The following OPRK1 variants were observed in gnomAD, a reference collection of about 807,000 sequenced individuals.
OPRK1 encodes the protein opioid receptor kappa 1.
In OPRK1, 15 loss-of-function variants were observed where a neutral mutation model predicts 24.5. The observed-to-expected ratio is 0.61, with a 90% CI of 0.41 to 0.94. The LOEUF is 0.94. Among genes scored for constraint, OPRK1 ranks in the 40% least tolerant of loss-of-function variants. The pLI is 0.00. For missense variants in OPRK1, 479 were observed against 507.3 expected (o/e 0.94, Z 0.54); for synonymous variants, 205 against 198.0 (o/e 1.04, Z -0.30).
chr8:53,251,227 G>T, intron 1 of OPRK1, 142 bp from the exon 2 acceptor site: 1 of 926,636 alleles, frequency 1.1e-6, no homozygotes, highest in Middle Eastern at 3.5e-4. Context: ...CGGACTTCTC[G>T]CTGCCTTTCC....
At chr8:53,230,593 C>G (rs1563326395) in intron 3 of OPRK1, among the ~76,000 whole-genome samples, 2 of 152,170 alleles carry the variant, frequency 1.3e-5, no homozygotes, top group Admixed American at 6.5e-5. Flanking sequence ...TAGAAAATTG[C>G]TATATTTGCT....
At chr8:53,238,639 C>T in intron 2 of OPRK1, 9 of 985,394 alleles carry the variant, frequency 9.1e-6, no homozygotes, top group Non-Finnish European at 1.1e-5. Context: ...TCCTAGCGTA[C>T]TTCTCTTTAC....
chr8:53,248,453 C>T (rs1448944586), intron 2 of OPRK1, among the ~76,000 whole-genome samples: 1 of 152,180 alleles, frequency 6.6e-6, no homozygotes, highest in Non-Finnish European at 1.5e-5. Context: ...TCAAGCACAG[C>T]TACTCAGTCT....
At chr8:53,232,694 G>A (rs1289071206) in intron 3 of OPRK1, among the ~76,000 whole-genome samples, 2 of 152,146 alleles carry the variant, frequency 1.3e-5, no homozygotes, top group African/African-American at 2.4e-5. Context: ...TAATATCAGA[G>A]GGCTGTGGCT....
At chr8:53,240,938 G>T (rs1434358572) in intron 2 of OPRK1, among the ~76,000 whole-genome samples, 2 of 152,178 alleles carry the variant, frequency 1.3e-5, no homozygotes, top group Non-Finnish European at 2.9e-5. Flanking sequence ...AAATCACCAT[G>T]TTGTGCATGT....
At chr8:53,232,185 A>C (rs1806869650) in intron 3 of OPRK1, among the ~76,000 whole-genome samples, 1 of 152,130 alleles carries the variant, frequency 6.6e-6, no homozygotes, top group African/African-American at 2.4e-5. Context: ...AGGTTAAAAA[A>C]AAAAACCTGA....
chr8:53,249,553 T>C (rs1052068399), intron 2 of OPRK1, among the ~76,000 whole-genome samples: 19 of 152,220 alleles, frequency 1.2e-4, no homozygotes, highest in Admixed American at 1.2e-3. Flanking sequence ...ATGAGCTTTA[T>C]AATATGTGTT....
chr8:53,250,069 CCACACACACA>C lies in OPRK1; in HGVS notation c.257+702_257+711del, dbSNP rs369426050. Among the ~76,000 whole-genome samples, 446 of 130,500 alleles carry C rather than the reference CCACACACACA, an allele frequency of 3.4e-3. 3 individuals carry two copies. The highest frequency in any genetic ancestry group is 0.011 in the African/African-American group (412 of 37,976). 85.6% of individuals were successfully genotyped at this position (130,500 alleles called of 152,430 possible). On this transcript the variant is annotated intron_variant, in intron 2 of 3. Coordinates refer to ENST00000265572, the MANE Select transcript of OPRK1 (RefSeq NM_000912.5). The stretch of plus-strand genomic sequence containing the variant: ...ATTGGAAGTTGACTTGAAGAAATTT[CCACACACACA>C]CACACACACACACACACACACAAAT...
chr8:53,250,098 CACAA>C (rs1403803693), intron 2 of OPRK1, among the ~76,000 whole-genome samples: 1 of 150,342 alleles, frequency 6.7e-6, no homozygotes, highest in Non-Finnish European at 1.5e-5. Flanking sequence ...CACACACACA[CACAA>C]ATAAAACCTT....
chr8:53,237,906 T>C (rs1807030836), intron 2 of OPRK1, among the ~76,000 whole-genome samples: 1 of 152,176 alleles, frequency 6.6e-6, no homozygotes, highest in Non-Finnish European at 1.5e-5. Flanking sequence ...TGGGAGGATC[T>C]GGATGGGGTG....
Position 53,227,003 on chromosome 8 carries a change from A to T in OPRK1, c.*2294T>A, listed in dbSNP as rs796954466. 3 of 152,380 alleles carry T rather than the reference A, an allele frequency of 2.0e-5. No individual in the cohort carries two copies. Among genetic ancestry groups the T allele is most frequent in the African/African-American group, 7.2e-5 (3 of 41,578 alleles). The allele number at this position is 152,380 out of a possible 1,614,324, so 9.4% of individuals were successfully genotyped here. A position where few individuals can be genotyped will look rare whatever the true frequency, so the allele number is the denominator to read the frequency against. ...CCAGGCGTGGCCATTCACATCTGTA[A>T]TCCCAGCACTTTGGGAGGCCGAGGC... On this transcript the variant is annotated 3_prime_UTR_variant, in exon 4 of 4. Transcript: ENST00000265572.
At chr8:53,233,629 C>T (rs145882086) in intron 3 of OPRK1, among the ~76,000 whole-genome samples, 10 of 152,272 alleles carry the variant, frequency 6.6e-5, no homozygotes, top group African/African-American at 2.2e-4. Flanking sequence ...TTCTGCTCAC[C>T]TCCCCATCAT....
At chr8:53,243,948 GA>G (rs1322322049) in intron 2 of OPRK1, among the ~76,000 whole-genome samples, 1 of 152,076 alleles carries the variant, frequency 6.6e-6, no homozygotes, top group Non-Finnish European at 1.5e-5. Context: ...GTGATTTGGT[GA>G]TATTATCTAA....
rs779745953 is a variant in OPRK1 at position 53,250,857 on chromosome 8, T to C, written c.181A>G (p.Ile61Val). 2 of 1,613,486 alleles carry C rather than the reference T, an allele frequency of 1.2e-6. No individual in the cohort carries two copies. The highest frequency in any genetic ancestry group is 1.7e-4 in the Middle Eastern group (1 of 6,056). Residue 61 changes from isoleucine (I) to valine (V), a missense_variant, in exon 2 of 4, where the codon ATC becomes GTC. Coordinates refer to ENST00000265572, the MANE Select transcript of OPRK1 (RefSeq NM_000912.5). ...ACTACGGAGTAGACCGCCGTGATGA[T>C]GACCGGGATGGCCGGGGAGATGTGC... is the stretch of plus-strand genomic sequence containing the variant. ...PAHISPAIPV[I>V]ITAVYSVVFV...
chr8:53,233,102 T>A (rs1806895645), intron 3 of OPRK1, among the ~76,000 whole-genome samples: 2 of 152,246 alleles, frequency 1.3e-5, no homozygotes, highest in South Asian at 4.1e-4. Flanking sequence ...GCTTGACACC[T>A]GCTATGGCTA....
At chr8:53,242,588 G>A (rs56690653) in intron 2 of OPRK1, 20,610 of 178,202 alleles carry the variant, frequency 0.12, 1,497 homozygotes, top group African/African-American at 0.21. Context: ...CTCACTGCAA[G>A]CTCCGCCTCC....
intron 2 of OPRK1, among the ~76,000 whole-genome samples, chr8:53,241,409 A>G (rs1266300742): frequency 6.6e-6 from 1 of 152,036 alleles, no homozygotes; most frequent in African/African-American, 2.4e-5. Context: ...TATTAATTCT[A>G]GAAAAGAAAG....
intron 2 of OPRK1, among the ~76,000 whole-genome samples, chr8:53,245,381 G>C (rs906567622): frequency 6.6e-6 from 1 of 152,102 alleles, no homozygotes; most frequent in Non-Finnish European, 1.5e-5. Flanking sequence ...CGAGGAGAGA[G>C]GCCTCGGGCC....
Position 53,250,836 on chromosome 8 carries a change from C to T in OPRK1, c.202G>A (p.Val68Ile). The T allele has an allele frequency of 1.2e-6, 2 of 1,613,362 alleles. No homozygotes were observed. Among genetic ancestry groups the T allele is most frequent in the South Asian group, 1.1e-5 (1 of 91,012 alleles). Residue 68 changes from valine to isoleucine, a missense_variant, in exon 2 of 4, where the codon GTA (valine) becomes ATA (isoleucine). By Grantham distance (29) the Val-to-Ile change is conservative. Coordinates refer to ENST00000265572, the MANE Select transcript of OPRK1 (RefSeq NM_000912.5). ...CCCACCAAGCCCACGACGAACACTA[C>T]GGAGTAGACCGCCGTGATGATGACC... ...IPVIITAVYS[V>I]VFVVGLVGNS...
Sources: allele counts gnomAD v4.1 joint callset (sites outside exome capture counted in the v4.1 genomes callset), GRCh38; gene constraint gnomAD v4.1.1; transcripts MANE v1.5; gene names NCBI Gene and HGNC (gene_info 2026-07-23, HGNC 2026-07-21).